TMEM165: variants seen among roughly 807,000 people sequenced by gnomAD.
TMEM165 encodes transmembrane protein 165.
Under a neutral mutation model 30.0 loss-of-function variants are expected in TMEM165, and 19 were observed. That is an observed-to-expected ratio of 0.63 (90% CI 0.44 to 0.93). The LOEUF (loss-of-function observed/expected upper bound fraction) is 0.93. Among genes scored for constraint, TMEM165 ranks in the 40% least tolerant of loss-of-function variants. The pLI, the probability that TMEM165 is intolerant of heterozygous loss-of-function variation, is 0.00. For missense variants in TMEM165, 340 were observed against 417.0 expected (o/e 0.82, Z 1.61); for synonymous variants, 168 against 162.9 (o/e 1.03, Z -0.24).
chr4:55,416,057 A>C (rs1057091217), intron 2 of TMEM165: 1 of 151,974 alleles, frequency 6.6e-6, no homozygotes, highest in African/African-American at 2.4e-5. Flanking sequence ...GGATTTCGCC[A>C]TGTTGACCAG....
At chr4:55,400,147 G>T (rs1234659256) in intron 1 of TMEM165, among the ~76,000 whole-genome samples, 1 of 127,912 alleles carries the variant, frequency 7.8e-6, no homozygotes, top group Non-Finnish European at 1.6e-5. Context: ...GCCTGGCCTT[G>T]TCTTGTTTTT....
chr4:55,439,584 C>T (rs1723178691), intron 3 of TMEM165, among the ~76,000 whole-genome samples: 1 of 152,128 alleles, frequency 6.6e-6, no homozygotes, highest in South Asian at 2.1e-4. Flanking sequence ...CAGCATTATT[C>T]ACAGGAGCCA....
chr4:55,436,423 C>T (rs11932712), intron 3 of TMEM165, among the ~76,000 whole-genome samples: 46,095 of 152,022 alleles, frequency 0.3, 7,617 homozygotes, highest in East Asian at 0.58. Flanking sequence ...CAAATTTGTA[C>T]TTCTGACATG....
chr4:55,444,220 A>C (rs1449514937), intron 3 of TMEM165, among the ~76,000 whole-genome samples: 1 of 152,212 alleles, frequency 6.6e-6, no homozygotes, highest in Admixed American at 6.5e-5. Context: ...CCAAAGTCAT[A>C]GTCTCCTAGA....
chr4:55,403,300 C>T (rs1204820109), intron 1 of TMEM165: 3 of 1,277,148 alleles, frequency 2.3e-6, no homozygotes, highest in Non-Finnish European at 3.0e-6. Flanking sequence ...TCTTCATCTT[C>T]TCTAGTTTCA....
At chr4:55,417,440 C>G (rs1466530805) in intron 3 of TMEM165, among the ~76,000 whole-genome samples, 193 bp downstream of exon 3, 1 of 152,164 alleles carries the variant, frequency 6.6e-6, no homozygotes, top group Non-Finnish European at 1.5e-5. Context: ...AGAAAGGAAG[C>G]TGACAGATGA....
At chr4:55,433,762 T>C in intron 3 of TMEM165, 1 of 152,220 alleles carries the variant, frequency 6.6e-6, no homozygotes, top group Non-Finnish European at 1.5e-5. Context: ...GTAACTTGTA[T>C]TGGAATTTAT....
chr4:55,418,392 A>G (rs1372132224), intron 4 of TMEM165, among the ~76,000 whole-genome samples: 1 of 151,932 alleles, frequency 6.6e-6, no homozygotes, highest in African/African-American at 2.4e-5. Flanking sequence ...GCTTGGTGGT[A>G]TGCACCTGTA....
exon 4 of TMEM165, chr4:55,453,235 A>C: frequency 1.1e-6 from 1 of 930,772 alleles, no homozygotes. Flanking sequence ...GTTCATCTAG[A>C]CTATTTGCTA....
intron 3 of TMEM165, chr4:55,443,646 C>A (rs1723550460): frequency 6.7e-7 from 1 of 1,494,328 alleles, no homozygotes; most frequent in South Asian, 1.1e-5. Flanking sequence ...TGCCTTCCAA[C>A]CACTGATCAC....
intron 1 of TMEM165, among the ~76,000 whole-genome samples, chr4:55,400,258 A>ATATATT (rs1553884914): frequency 9.4e-5 from 3 of 31,850 alleles, no homozygotes; most frequent in African/African-American, 2.9e-4. Context: ...ATATTATATT[A>ATATATT]ATATATAATA....
intron 3 of TMEM165, among the ~76,000 whole-genome samples, chr4:55,440,486 T>A (rs1222737554): frequency 1.3e-5 from 2 of 152,236 alleles, no homozygotes; most frequent in African/African-American, 4.8e-5. Context: ...TGGCATGACA[T>A]AACTGTATTT....
intron 2 of TMEM165, among the ~76,000 whole-genome samples, chr4:55,412,971 A>T (rs1454437943): frequency 6.6e-6 from 1 of 151,680 alleles, no homozygotes; most frequent in Non-Finnish European, 1.5e-5. Context: ...GCTATTTTTT[A>T]TTTATTTATT....
chr4:55,443,973 C>T, intron 3 of TMEM165: 1 of 1,322,700 alleles, frequency 7.6e-7, no homozygotes, highest in Non-Finnish European at 1.1e-6. Context: ...AAGGCAAAAT[C>T]AAGCTACAAA....
In TMEM165 at chr4:55,396,168, C is replaced by A. The variant is rs925640291; in HGVS notation, c.-22C>A. 1.5e-6 allele frequency: 2 copies of A among 1,347,194 alleles called. No homozygotes were observed. The highest frequency in any genetic ancestry group is 2.0e-5 in the South Asian group (1 of 50,036). The allele number at this position is 1,347,194 out of a possible 1,614,324, so 83.5% of individuals were successfully genotyped here. A position where few individuals can be genotyped will look rare whatever the true frequency, so the allele number is the denominator to read the frequency against. On this transcript the variant is annotated 5_prime_UTR_variant, in exon 1 of 6. Transcript: ENST00000381334. ...GGCACTTCCTCTTGCGGCGCCCGTGCGCGGCCGGCCCGGCAGGCGGGATGG... is the reference window on the plus strand; with the variant it reads ...GGCACTTCCTCTTGCGGCGCCCGTGAGCGGCCGGCCCGGCAGGCGGGATGG...
At chr4:55,442,638 TTAAAAA>T (rs771998439) in intron 3 of TMEM165, 5 of 1,611,912 alleles carry the variant, frequency 3.1e-6, no homozygotes, top group African/African-American at 2.7e-5. Context: ...GTTGACTCTG[TTAAAAA>T]TAAAGAGATT....
intron 1 of TMEM165, 63 bp downstream of exon 1, chr4:55,396,459 A>C (rs1295332775): frequency 2.3e-6 from 3 of 1,304,780 alleles, no homozygotes. Context: ...ACCAGGCTCC[A>C]GGCCTTTGAA....
At chr4:55,423,690 TG>T (rs1384657220) in intron 4 of TMEM165, 1 of 152,894 alleles carries the variant, frequency 6.5e-6, no homozygotes, top group African/African-American at 2.4e-5. Context: ...CCCAAAGTGT[TG>T]GGATTACAGG....
At chr4:55,416,934 A>C (rs1721755104) in intron 2 of TMEM165, 138 bp from the exon 3 acceptor site, 1 of 642,006 alleles carries the variant, frequency 1.6e-6, no homozygotes. Context: ...GAAATACTTG[A>C]GGTTATTACA....
Sources: gnomAD v4.1 joint callset for allele counts (sites outside exome capture counted in the v4.1 genomes callset) on GRCh38, gnomAD v4.1.1 for gene constraint, MANE v1.5 for transcripts, NCBI Gene and HGNC (gene_info 2026-07-23, HGNC 2026-07-21) for gene names.